The following LRRC4C variants were observed in gnomAD, a reference collection of about 807,000 sequenced individuals.
The protein encoded by LRRC4C is leucine-rich repeat-containing protein 4C.
A neutral mutation model predicts 33.6 loss-of-function variants in LRRC4C; 5 were observed. The observed-to-expected ratio is 0.15, with a 90% CI of 0.08 to 0.31. LRRC4C has a LOEUF of 0.31. Among genes scored for constraint, LRRC4C ranks in the 10% least tolerant of loss-of-function variants. The probability of loss-of-function intolerance (pLI) is 1.00; values close to 1 mark genes in which losing one functional copy is unlikely to be tolerated. For synonymous variants in LRRC4C, 329 were observed against 302.0 expected (o/e 1.09, Z -0.93); for missense variants, 560 against 796.7 (o/e 0.70, Z 3.58).
intron 2 of LRRC4C, among the ~76,000 whole-genome samples, chr11:40,880,863 GTATATA>G (rs61004501): frequency 4.1e-5 from 6 of 145,630 alleles, no homozygotes; most frequent in Middle Eastern, 3.6e-3. Context: ...ATGTGTGTGT[GTATATA>G]TATATATATA....
chr11:41,132,049 T>G (rs12284631), intron 1 of LRRC4C, among the ~76,000 whole-genome samples: 9,199 of 152,240 alleles, frequency 0.06, 504 homozygotes, highest in African/African-American at 0.14. Context: ...ATTCTTTTAT[T>G]CCTTTACTTT....
chr11:40,972,586 T>G (rs1851800296), intron 1 of LRRC4C, among the ~76,000 whole-genome samples: 1 of 152,128 alleles, frequency 6.6e-6, no homozygotes, highest in Non-Finnish European at 1.5e-5. Flanking sequence ...GACTCCCAGT[T>G]CAGCATGGCT....
chr11:40,194,638 G>A (rs1396573608), intron 5 of LRRC4C, among the ~76,000 whole-genome samples: 1 of 151,952 alleles, frequency 6.6e-6, no homozygotes, highest in African/African-American at 2.4e-5. Flanking sequence ...GGGGCAAAGG[G>A]AGGGATAGCA....
At chr11:40,836,982 G>A (rs1361316666) in intron 2 of LRRC4C, among the ~76,000 whole-genome samples, 2 of 152,118 alleles carry the variant, frequency 1.3e-5, no homozygotes, top group Non-Finnish European at 2.9e-5. Flanking sequence ...GACATGGCCT[G>A]TAATAAATCT....
At chr11:40,969,776 T>G (rs141686452) in intron 1 of LRRC4C, among the ~76,000 whole-genome samples, 281 of 152,262 alleles carry the variant, frequency 1.8e-3, no homozygotes, top group Non-Finnish European at 3.4e-3. Context: ...AATTAAAAAT[T>G]TTGTGACTCC....
chr11:41,078,531 A>G (rs1939322744), intron 1 of LRRC4C, among the ~76,000 whole-genome samples: 1 of 152,196 alleles, frequency 6.6e-6, no homozygotes. Context: ...GGAAAAGCAA[A>G]CAGGTCTCAC....
chr11:41,187,986 C>A (rs1293383175), intron 1 of LRRC4C, among the ~76,000 whole-genome samples: 2 of 152,192 alleles, frequency 1.3e-5, no homozygotes, highest in East Asian at 3.9e-4. Flanking sequence ...TAATAAGTGG[C>A]AGTAAATGTT....
At chr11:40,202,086 T>C (rs1193325773) in intron 5 of LRRC4C, among the ~76,000 whole-genome samples, 1 of 152,062 alleles carries the variant, frequency 6.6e-6, no homozygotes, top group Non-Finnish European at 1.5e-5. Flanking sequence ...CTGGCCATGA[T>C]TTTCCCATAT....
At chr11:40,398,075 T>C (rs1328265291) in intron 3 of LRRC4C, among the ~76,000 whole-genome samples, 1 of 152,024 alleles carries the variant, frequency 6.6e-6, no homozygotes, top group Non-Finnish European at 1.5e-5. Flanking sequence ...AAGGTGGCAA[T>C]TTTTGAGTAA....
rs183296623 is a variant in LRRC4C, at chr11:40,514,477, T to C, written c.-270+133665A>G. ...ATATAAACATATCATTTTCTGGTGTTTTTATGAGGATTACTTGAAAAAAGC... is the reference window on the plus strand; with the variant it reads ...ATATAAACATATCATTTTCTGGTGTCTTTATGAGGATTACTTGAAAAAAGC... On this transcript the variant is annotated intron_variant, in intron 3 of 6. Coordinates refer to ENST00000528697, the MANE Select transcript of LRRC4C (RefSeq NM_001258419.2). Among the ~76,000 whole-genome samples, 400 of 152,282 alleles carry C rather than the reference T, an allele frequency of 2.6e-3. 2 individuals are homozygous for C. Among genetic ancestry groups the C allele is most frequent in the Non-Finnish European group, 4.3e-3 (294 of 68,014 alleles).
intron 2 of LRRC4C, among the ~76,000 whole-genome samples, chr11:40,843,643 ACAAAGCAACTATGTT>A (rs1217827601): frequency 6.6e-6 from 1 of 152,198 alleles, no homozygotes; most frequent in Non-Finnish European, 1.5e-5. Flanking sequence ...TGGTAAGGAT[ACAAAGCAACTATGTT>A]CAAAACAAGT....
chr11:40,579,430 G>C (rs143641878), intron 3 of LRRC4C, among the ~76,000 whole-genome samples: 193 of 151,460 alleles, frequency 1.3e-3, no homozygotes, highest in African/African-American at 4.5e-3. Context: ...AACAGTTTAT[G>C]GTGGTCTCAC....
intron 1 of LRRC4C, among the ~76,000 whole-genome samples, chr11:41,161,755 C>A (rs1272368424): frequency 6.6e-6 from 1 of 152,110 alleles, no homozygotes; most frequent in Non-Finnish European, 1.5e-5. Flanking sequence ...TAATTGGTAT[C>A]CTTTTATTTT....
At chr11:41,116,543 A>T (rs1215092223) in intron 1 of LRRC4C, among the ~76,000 whole-genome samples, 1 of 152,142 alleles carries the variant, frequency 6.6e-6, no homozygotes, top group African/African-American at 2.4e-5. Flanking sequence ...AGTAATAATA[A>T]TAACCAATAT....
intron 2 of LRRC4C, among the ~76,000 whole-genome samples, chr11:40,771,720 A>G (rs1226902062): frequency 6.6e-6 from 1 of 152,112 alleles, no homozygotes; most frequent in Admixed American, 6.5e-5. Flanking sequence ...AATGCTGCCA[A>G]TCTCTTTGCT....
chr11:41,272,336 T>C (rs1396719608), intron 1 of LRRC4C, among the ~76,000 whole-genome samples: 1 of 152,036 alleles, frequency 6.6e-6, no homozygotes, highest in African/African-American at 2.4e-5. Context: ...TAAATTTAAT[T>C]AGCATTGTGG....
intron 2 of LRRC4C, among the ~76,000 whole-genome samples, chr11:40,914,537 G>T (rs1956855546): frequency 6.6e-6 from 1 of 152,120 alleles, no homozygotes; most frequent in South Asian, 2.1e-4. Context: ...AGGTATTGAT[G>T]GGACATATCT....
intron 1 of LRRC4C, among the ~76,000 whole-genome samples, chr11:40,938,686 AG>A (rs775007062): frequency 2.3e-4 from 35 of 152,324 alleles, no homozygotes; most frequent in Non-Finnish European, 4.4e-4. Flanking sequence ...TGATTGGTCC[AG>A]GTCATAGCTG....
At chr11:40,167,219 G>C (rs1859669022) in intron 5 of LRRC4C, among the ~76,000 whole-genome samples, 1 of 152,120 alleles carries the variant, frequency 6.6e-6, no homozygotes. Context: ...CAAAATTGGA[G>C]TTTCTTGAAA....
Sources: gnomAD v4.1 joint callset for allele counts (sites outside exome capture counted in the v4.1 genomes callset) on GRCh38, gnomAD v4.1.1 for gene constraint, MANE v1.5 for transcripts, NCBI Gene and HGNC (gene_info 2026-07-23, HGNC 2026-07-21) for gene names.